The following EHMT1 variants were observed in gnomAD, a reference collection of about 807,000 sequenced individuals.
The protein encoded by EHMT1 is histone-lysine N-methyltransferase EHMT1.
EHMT1 carries 15 observed loss-of-function variants against 147.2 expected under a neutral mutation model. The ratio of observed to expected loss-of-function variants is 0.10; its 90% CI spans 0.07 to 0.16. The LOEUF (loss-of-function observed/expected upper bound fraction) is 0.16. EHMT1 is among the 10% of genes least tolerant of loss of function. The pLI is 1.00. For missense variants in EHMT1, 1,587 were observed against 1,772.4 expected (o/e 0.90, Z 1.88); for synonymous variants, 795 against 709.6 (o/e 1.12, Z -1.91).
At chr9:137,823,691 G>A (rs113885028) in intron 25 of EHMT1, among the ~76,000 whole-genome samples, 9 of 152,326 alleles carry the variant, frequency 5.9e-5, no homozygotes, top group East Asian at 1.9e-4. Context: ...GATTACAGGC[G>A]TGAGCCACCA....
At chr9:137,718,686 T>C (rs1165613815) in intron 3 of EHMT1, among the ~76,000 whole-genome samples, 2 of 152,144 alleles carry the variant, frequency 1.3e-5, no homozygotes, top group African/African-American at 4.8e-5. Flanking sequence ...TATATTGATA[T>C]ATTTTATTCT....
intron 16 of EHMT1, among the ~76,000 whole-genome samples, chr9:137,795,421 A>ACACACACACACACT (rs1564776170): frequency 1.5e-5 from 1 of 67,064 alleles, no homozygotes; most frequent in South Asian, 4.7e-4. Flanking sequence ...ACACACACAC[A>ACACACACACACACT]CACACACTCT....
At chr9:137,719,260 G>C (rs1200718139) in intron 3 of EHMT1, among the ~76,000 whole-genome samples, 1 of 151,884 alleles carries the variant, frequency 6.6e-6, no homozygotes, top group Non-Finnish European at 1.5e-5. Flanking sequence ...CTTTGTTTCT[G>C]TCATAGTGTC....
In EHMT1 at chr9:137,828,182, G is replaced by A. The variant is rs1290324057; in HGVS notation, c.3541-6167G>A. ...GCTGTGACCATCCACAGGCCCCAGG[G>A]GGGTGCTGGCGGGCATCAGGGAAGT... On this transcript the variant is annotated intron_variant, in intron 25 of 26. Coordinates refer to ENST00000460843, the MANE Select transcript of EHMT1 (RefSeq NM_024757.5). The surrounding 1 kb of genome is among the most constrained non-coding windows in gnomAD (Gnocchi z 5.3). Among the ~76,000 whole-genome samples, 1 of 152,150 alleles carries A rather than the reference G, an allele frequency of 6.6e-6. No homozygotes were observed. The highest frequency in any genetic ancestry group is 1.5e-5 in the Non-Finnish European group (1 of 68,012).
At chr9:137,799,300 G>C (rs1295828019) in intron 17 of EHMT1, among the ~76,000 whole-genome samples, 2 of 152,120 alleles carry the variant, frequency 1.3e-5, no homozygotes, top group Non-Finnish European at 2.9e-5. Flanking sequence ...TGTCTGGCTG[G>C]AGGCTCCTCC....
chr9:137,659,145 A>C (rs943842125), intron 1 of EHMT1, among the ~76,000 whole-genome samples: 1 of 151,984 alleles, frequency 6.6e-6, no homozygotes, highest in African/African-American at 2.4e-5. Context: ...ACTAGATCTT[A>C]TTCCAGGGTT....
intron 6 of EHMT1, among the ~76,000 whole-genome samples, chr9:137,749,708 C>T (rs1352305201): frequency 6.6e-6 from 1 of 152,210 alleles, no homozygotes; most frequent in Non-Finnish European, 1.5e-5. Context: ...ATCAAGCAGC[C>T]TCTTATAAAG....
At chr9:137,801,443 TCCCCAGTAG>T (rs1953479911) in intron 18 of EHMT1, among the ~76,000 whole-genome samples, 1 of 152,162 alleles carries the variant, frequency 6.6e-6, no homozygotes, top group South Asian at 2.1e-4. Flanking sequence ...TGCCTCCGCC[TCCCCAGTAG>T]CTGGGATTAC....
intron 4 of EHMT1, 190 bp downstream of exon 4, chr9:137,728,719 T>C: frequency 1.5e-6 from 1 of 686,264 alleles, no homozygotes; most frequent in Non-Finnish European, 2.5e-6. Flanking sequence ...CTAAGCCTTG[T>C]CTCATGCCAG....
At chr9:137,678,389 C>T (rs969155788) in intron 1 of EHMT1, among the ~76,000 whole-genome samples, 1 of 152,090 alleles carries the variant, frequency 6.6e-6, no homozygotes, top group Admixed American at 6.5e-5. Flanking sequence ...ACAAGATTTT[C>T]GTAGATATCC....
At chr9:137,741,687 C>T (rs1453455908) in intron 4 of EHMT1, among the ~76,000 whole-genome samples, 1 of 152,188 alleles carries the variant, frequency 6.6e-6, no homozygotes, top group East Asian at 1.9e-4. Context: ...GAGCATGCTG[C>T]AACCCTGCAG....
At chr9:137,625,980 C>T (rs544390739) in intron 1 of EHMT1, among the ~76,000 whole-genome samples, 36 of 150,082 alleles carry the variant, frequency 2.4e-4, no homozygotes, top group Non-Finnish European at 4.0e-4. Context: ...CTCAGCCTCT[C>T]GAGTAGCTGG....
chr9:137,671,345 A>G (rs1215518204), intron 1 of EHMT1, among the ~76,000 whole-genome samples: 1 of 152,118 alleles, frequency 6.6e-6, no homozygotes, highest in East Asian at 1.9e-4. Flanking sequence ...TATTAGCTTT[A>G]CAGTAAGAAA....
intron 13 of EHMT1, among the ~76,000 whole-genome samples, chr9:137,778,859 C>T (rs1441939005): frequency 6.6e-6 from 1 of 152,218 alleles, no homozygotes; most frequent in Non-Finnish European, 1.5e-5. Flanking sequence ...GTGCTGGCAT[C>T]TGCTCCTTGG....
chr9:137,620,911 A>G (rs1021860965), intron 1 of EHMT1, among the ~76,000 whole-genome samples: 2 of 152,200 alleles, frequency 1.3e-5, no homozygotes, highest in Non-Finnish European at 2.9e-5. Context: ...ACTTGTGTCC[A>G]ACCCTGCCAT....
intron 16 of EHMT1, among the ~76,000 whole-genome samples, chr9:137,798,430 G>A (rs1953145999): frequency 6.6e-6 from 1 of 152,134 alleles, no homozygotes; most frequent in Admixed American, 6.5e-5. Context: ...AAAAAAACAA[G>A]ATGTGCCCAG....
intron 12 of EHMT1, chr9:137,777,372 T>C (rs1175686122): frequency 5.2e-6 from 1 of 191,026 alleles, no homozygotes; most frequent in Non-Finnish European, 1.1e-5. Context: ...CTTGCCTTCT[T>C]CCTTAGCAGC....
chr9:137,791,049 T>C, intron 16 of EHMT1, 79 bp downstream of exon 16: 1 of 1,612,346 alleles, frequency 6.2e-7, no homozygotes, highest in Non-Finnish European at 8.5e-7. Context: ...ACATCCTTAC[T>C]GACATCTCCA....
intron 1 of EHMT1, among the ~76,000 whole-genome samples, chr9:137,683,972 TATA>T (rs1173212761): frequency 1.3e-5 from 2 of 152,124 alleles, no homozygotes; most frequent in Non-Finnish European, 2.9e-5. Flanking sequence ...CCGTCAACAA[TATA>T]ATATTGCTTT....
Sources: gnomAD v4.1 joint callset for allele counts (sites outside exome capture counted in the v4.1 genomes callset) on GRCh38, gnomAD v4.1.1 for gene constraint, Gnocchi (gnomAD v3.1) non-coding constraint, MANE v1.5 for transcripts, NCBI Gene and HGNC (gene_info 2026-07-23, HGNC 2026-07-21) for gene names.